Variants in CEP350 observed in about 807,000 individuals in gnomAD.
CEP350 encodes centrosome-associated protein 350.
Under a neutral mutation model 331.8 loss-of-function variants are expected in CEP350, and 126 were observed. The ratio of observed to expected loss-of-function variants is 0.38; its 90% confidence interval spans 0.33 to 0.44. CEP350 has a LOEUF of 0.44. Ranked by LOEUF, CEP350 falls within the 20% of genes least tolerant of loss-of-function variation. The pLI, the probability that CEP350 is intolerant of heterozygous loss-of-function variation, is 1.00. For missense variants in CEP350, 3,406 were observed against 3,634.6 expected, an observed-to-expected ratio of 0.94 and a Z score of 1.62; for synonymous variants, 1,200 against 1,259.5, an observed-to-expected ratio of 0.95 and a Z score of 1.00.
chr1:180,111,155 T>A lies in CEP350; in HGVS notation c.9348T>A (p.Leu3116=), dbSNP rs12126496. The A allele has an allele frequency of 0.096, 155,493 of 1,613,492 alleles. 8,413 individuals carry two copies. The highest frequency in any genetic ancestry group is 0.11 in the Non-Finnish European group (127,846 of 1,179,504). Residue 3116 remains leucine, a synonymous_variant, in exon 38 of 38, where the codon CTT becomes CTA. Transcript: ENST00000367607. ...GTGAAAAGCAGGGGAGAATGCTACT[T>A]GTGTGACATCTTGCAAATAAATCGA... ...QISEKQGRML[L]V
rs770191361 is a variant in CEP350 at position 180,022,757 on chromosome 1, A to G, written c.3295A>G (p.Thr1099Ala). 1.6e-5 allele frequency: 26 copies of G among 1,610,996 alleles called. No homozygotes were observed. The East Asian group carries it at 5.3e-4, about 33-fold the overall frequency. ...ATCACGGCCTTTGAATGCCACCGCA[A>G]CTCCTCTAAGTGGTGTTTCATATGA... ...STSRPLNATA[T>A]PLSGVSYEDD... Residue 1099 changes from threonine to alanine, a missense_variant, in exon 13 of 38, where the codon ACT (threonine) becomes GCT (alanine). Around this residue, in one of 5 missense-constraint regions of CEP350, gnomAD observed 1,857 missense variants for 1,909.2 expected, o/e 0.97. Coordinates refer to ENST00000367607, the MANE Select transcript of CEP350 (RefSeq NM_014810.5).
At chr1:179,981,387 T>G (rs1337513886) in intron 1 of CEP350, among the ~76,000 whole-genome samples, 1 of 152,212 alleles carries the variant, frequency 6.6e-6, no homozygotes. Flanking sequence ...TTGAATAATC[T>G]GTTTGACTTG....
At chr1:180,052,024 C>A (rs967191709) in intron 22 of CEP350, among the ~76,000 whole-genome samples, 2 of 152,182 alleles carry the variant, frequency 1.3e-5, no homozygotes, top group African/African-American at 4.8e-5. Context: ...AGTACGAATT[C>A]ATGTTTAGCT....
intron 16 of CEP350, among the ~76,000 whole-genome samples, chr1:180,035,255 TAAA>T (rs1353540032): frequency 1.3e-5 from 2 of 152,136 alleles, no homozygotes; most frequent in Non-Finnish European, 2.9e-5. Context: ...GCCATCTCTA[TAAA>T]ATAAAAGTGC....
Position 180,064,181 on chromosome 1 carries a change from TC to T in CEP350, c.5410-932del, listed in dbSNP as rs543996382. Among the ~76,000 whole-genome samples the T allele has an allele frequency of 6.6e-4, 100 of 152,304 alleles. 1 individual carries two copies. Among genetic ancestry groups the T allele is most frequent in the African/African-American group, 2.4e-3 (99 of 41,580 alleles). On this transcript the variant is annotated intron_variant, in intron 26 of 37. Coordinates refer to ENST00000367607, the MANE Select transcript of CEP350 (RefSeq NM_014810.5). ...TAGGAAGTTCTCTGTGGTAAGGCCATCCTCACTGTGCTTGGGCTTGCAGTTG... is the reference window on the plus strand; with the variant it reads ...TAGGAAGTTCTCTGTGGTAAGGCCATCTCACTGTGCTTGGGCTTGCAGTTG...
intron 37 of CEP350, among the ~76,000 whole-genome samples, chr1:180,105,274 T>G (rs1428073630): frequency 6.6e-6 from 1 of 152,090 alleles, no homozygotes; most frequent in East Asian, 1.9e-4. Flanking sequence ...CATCCTCACC[T>G]TGAAATGTTG....
chr1:179,996,843 C>G lies in CEP350; in HGVS notation c.686C>G (p.Thr229Arg). The change falls in exon 6 of 38, where the codon ACA (threonine) becomes AGA (arginine). Residue 229 changes from threonine (T) to arginine (R), a missense_variant. Physicochemically the swap from Thr to Arg is moderately conservative, Grantham distance 71. Around this residue, in one of 5 missense-constraint regions of CEP350, gnomAD observed 1,857 missense variants for 1,909.2 expected, o/e 0.97. Coordinates refer to ENST00000367607, the MANE Select transcript of CEP350 (RefSeq NM_014810.5). ...MRTEEEMPNRTKGSENNLKLS... is the reference protein window; with the variant it reads ...MRTEEEMPNRRKGSENNLKLS... ...ACTGAGGAAGAAATGCCTAACAGAA[C>G]AAAAGGAAGTGAGAATAATTTGAAG... The G allele has an allele frequency of 6.2e-7, 1 of 1,613,614 alleles. No individual in the cohort carries two copies. The highest frequency in any genetic ancestry group is 8.5e-7 in the Non-Finnish European group (1 of 1,179,608).
intron 37 of CEP350, among the ~76,000 whole-genome samples, chr1:180,108,922 A>T (rs1045760177): frequency 1.3e-5 from 2 of 152,168 alleles, no homozygotes; most frequent in Non-Finnish European, 2.9e-5. Flanking sequence ...TATCCTCCAA[A>T]CAACCTTTCT....
At chr1:180,103,754 G>A (rs1288724354) in intron 37 of CEP350, among the ~76,000 whole-genome samples, 2 of 151,902 alleles carry the variant, frequency 1.3e-5, no homozygotes, top group African/African-American at 4.8e-5. Flanking sequence ...ATTCTCTATG[G>A]AACTTCTTTA....
chr1:180,107,369 T>G (rs1022487184), intron 37 of CEP350, among the ~76,000 whole-genome samples: 4 of 152,150 alleles, frequency 2.6e-5, no homozygotes, highest in African/African-American at 4.8e-5. Context: ...AGAGCTGTCC[T>G]TTAATCAAAA....
chr1:180,010,060 AT>A (rs1654525553), intron 8 of CEP350, among the ~76,000 whole-genome samples: 1 of 152,116 alleles, frequency 6.6e-6, no homozygotes, highest in African/African-American at 2.4e-5. Flanking sequence ...CCTTACATTC[AT>A]TTTAAAATTG....
At chr1:180,091,712 C>T (rs1255486941) in intron 33 of CEP350, among the ~76,000 whole-genome samples, 3 of 151,982 alleles carry the variant, frequency 2.0e-5, no homozygotes, top group Non-Finnish European at 4.4e-5. Flanking sequence ...CACCTATAGT[C>T]CCAGCTATTT....
At chr1:180,016,655 G>A (rs1654993685) in intron 11 of CEP350, among the ~76,000 whole-genome samples, 1 of 111,558 alleles carries the variant, frequency 9.0e-6, no homozygotes, top group Admixed American at 1.2e-4. Context: ...CCAATTTTGG[G>A]TTATGTTTTT....
intron 25 of CEP350, among the ~76,000 whole-genome samples, chr1:180,059,158 A>C (rs189943765): frequency 6.6e-6 from 1 of 152,278 alleles, no homozygotes; most frequent in Non-Finnish European, 1.5e-5. Context: ...TTTATACATT[A>C]TTTAGTTCAG....
Position 180,063,316 on chromosome 1 carries a change from C to T in CEP350, c.5409+950C>T, listed in dbSNP as rs182453487. Among the ~76,000 whole-genome samples, 11 of 151,558 alleles carry T rather than the reference C, an allele frequency of 7.3e-5. No individual in the cohort carries two copies. The East Asian group carries it at 2.2e-3, about 30-fold the overall frequency. ...AGGTAATCCTCTCACCTCAGCCTCC[C>T]GAGTAGCTGGGACTATAGGCATGCA... On this transcript the variant is annotated intron_variant, in intron 26 of 37. Coordinates refer to ENST00000367607, the MANE Select transcript of CEP350 (RefSeq NM_014810.5).
chr1:180,004,901 T>G lies in CEP350; in HGVS notation c.1133-1553T>G, dbSNP rs867717168. Among the ~76,000 whole-genome samples, 44 of 48,346 alleles carry G rather than the reference T, an allele frequency of 9.1e-4. 1 individual carries two copies. Among genetic ancestry groups the G allele is most frequent in the Admixed American group, 8.8e-3 (28 of 3,170 alleles). 31.7% of individuals were successfully genotyped at this position (48,346 alleles called of 152,430 possible). On this transcript the variant is annotated intron_variant, in intron 7 of 37. Transcript: ENST00000367607. ...TTGCTTGCTTGCTTGCTTGCTTGCT[T>G]GCTTGCTTTCTTTCTTTCTTTCTTT... is the stretch of plus-strand genomic sequence containing the variant.
At chr1:180,025,475 C>G (rs897921789) in intron 14 of CEP350, among the ~76,000 whole-genome samples, 8 of 152,120 alleles carry the variant, frequency 5.3e-5, no homozygotes, top group Non-Finnish European at 1.2e-4. Context: ...CATTTCTACT[C>G]TTGGCTTAAA....
At chr1:179,998,220 G>C (rs115593360) in intron 6 of CEP350, among the ~76,000 whole-genome samples, 1,657 of 150,830 alleles carry the variant, frequency 0.011, 30 homozygotes, top group African/African-American at 0.039. Context: ...TAATGTTTTA[G>C]TGGGTATTTT....
chr1:180,005,260 C>A (rs1654180352), intron 7 of CEP350, among the ~76,000 whole-genome samples: 1 of 151,946 alleles, frequency 6.6e-6, no homozygotes, highest in Non-Finnish European at 1.5e-5. Context: ...ATTTCTCAAC[C>A]TTAATATATC....
Sources: allele counts gnomAD v4.1 joint callset (sites outside exome capture counted in the v4.1 genomes callset), GRCh38; gene constraint gnomAD v4.1.1; regional missense constraint gnomAD v4.1.1; transcripts MANE v1.5; gene names NCBI Gene and HGNC (gene_info 2026-07-23, HGNC 2026-07-21).